The following SLC30A7 variants were observed in gnomAD, a reference collection of about 807,000 sequenced individuals.
SLC30A7 encodes the protein solute carrier family 30 member 7, also known as zinc transporter 7.
Under a neutral mutation model 46.0 loss-of-function variants are expected in SLC30A7, and 35 were observed. That is an observed-to-expected ratio of 0.76 (90% confidence interval 0.58 to 1.01). The LOEUF (loss-of-function observed/expected upper bound fraction) is 1.01, where lower values mean the gene tolerates loss of function less well. SLC30A7 is among the 50% of genes least tolerant of loss of function. The pLI, the probability that SLC30A7 is intolerant of heterozygous loss-of-function variation, is 0.00. For missense variants in SLC30A7, 464 were observed against 451.1 expected (o/e 1.03, Z -0.26); for synonymous variants, 147 against 157.8 (o/e 0.93, Z 0.51).
Position 100,905,367 on chromosome 1 carries a change from T to C in SLC30A7, c.183-1485T>C, listed in dbSNP as rs139482853. On this transcript the variant is annotated intron_variant, in intron 2 of 10. Transcript: ENST00000357650. ...TTTATTTCTCTTTGATGTTTAGTGG[T>C]TTGTGACGTGTGGAGGGTTTTTTCC... is the stretch of plus-strand genomic sequence containing the variant. 2.4e-3 allele frequency among the ~76,000 whole-genome samples: 359 copies of C among 152,190 alleles called. 6 individuals are homozygous for C. Among genetic ancestry groups the C allele is most frequent in the East Asian group, 0.014 (70 of 5,184 alleles).
downstream of SLC30A7, among the ~76,000 whole-genome samples, chr1:100,984,228 C>CT (rs577715119): frequency 3.9e-5 from 6 of 152,228 alleles, no homozygotes; most frequent in South Asian, 1.0e-3. Flanking sequence ...AACCCTGTTG[C>CT]TTTTTTCTCT....
chr1:100,933,812 A>G (rs1346544279), intron 8 of SLC30A7, among the ~76,000 whole-genome samples: 2 of 152,170 alleles, frequency 1.3e-5, no homozygotes, highest in Non-Finnish European at 2.9e-5. Context: ...AATCCAGTCT[A>G]TCATTGTTGG....
chr1:100,982,226 T>C (rs1001432942), downstream of SLC30A7, among the ~76,000 whole-genome samples: 2 of 152,244 alleles, frequency 1.3e-5, no homozygotes, highest in African/African-American at 4.8e-5. Flanking sequence ...CCAAAGCAGC[T>C]TCTTTACTAT....
At chr1:100,923,733 G>A (rs1221559856) in intron 8 of SLC30A7, among the ~76,000 whole-genome samples, 2 of 152,116 alleles carry the variant, frequency 1.3e-5, no homozygotes, top group African/African-American at 4.8e-5. Flanking sequence ...TAGCTATGAT[G>A]GTGCCACTGC....
intron 2 of SLC30A7, among the ~76,000 whole-genome samples, chr1:100,900,981 T>A (rs1570498034): frequency 6.6e-6 from 1 of 152,346 alleles, no homozygotes; most frequent in East Asian, 1.9e-4. Context: ...CCTTAACATT[T>A]ATCAATACAT....
chr1:100,938,895 C>T (rs1243143846), intron 8 of SLC30A7, among the ~76,000 whole-genome samples: 1 of 152,122 alleles, frequency 6.6e-6, no homozygotes, highest in Non-Finnish European at 1.5e-5. Context: ...AGGATTGTTA[C>T]ATGGGTATAT....
chr1:100,924,636 G>A (rs1373470118), intron 8 of SLC30A7, among the ~76,000 whole-genome samples: 3 of 135,416 alleles, frequency 2.2e-5, no homozygotes, highest in African/African-American at 8.3e-5. Flanking sequence ...TTTTTTCATT[G>A]TTTTAAAGTC....
intron 5 of SLC30A7, 135 bp downstream of exon 5, chr1:100,912,373 C>T (rs1652160539): frequency 1.0e-6 from 1 of 987,316 alleles, no homozygotes; most frequent in Non-Finnish European, 1.5e-6. Flanking sequence ...TGAACTATCC[C>T]TTTCACTTCT....
At chr1:100,909,439 C>T (rs964974793) in intron 3 of SLC30A7, among the ~76,000 whole-genome samples, 3 of 152,134 alleles carry the variant, frequency 2.0e-5, no homozygotes, top group South Asian at 2.1e-4. Context: ...TACATACATG[C>T]GTATATACAT....
chr1:100,992,717 G>T, the SLC30A7 span: 1 of 1,613,134 alleles, frequency 6.2e-7, no homozygotes, highest in Non-Finnish European at 8.5e-7. Flanking sequence ...CATATACCGT[G>T]GAGGTTCATA....
chr1:100,905,165 T>C lies in SLC30A7; in HGVS notation c.183-1687T>C, dbSNP rs188073201. Among the ~76,000 whole-genome samples, 424 of 152,350 alleles carry C rather than the reference T, an allele frequency of 2.8e-3. 2 individuals carry two copies. The highest frequency in any genetic ancestry group is 9.7e-3 in the African/African-American group (403 of 41,578). The stretch of plus-strand genomic sequence containing the variant: ...GATTTTCTTATTCCATTCTGTGTGC[T>C]ATTATTGTCATACCTTAGGTTGTTG... On this transcript the variant is annotated intron_variant, in intron 2 of 10. Coordinates refer to ENST00000357650, the MANE Select transcript of SLC30A7 (RefSeq NM_133496.5).
At chr1:100,956,135 A>AT (rs1248308971) in intron 8 of SLC30A7, among the ~76,000 whole-genome samples, 2 of 152,126 alleles carry the variant, frequency 1.3e-5, no homozygotes, top group Non-Finnish European at 2.9e-5. Flanking sequence ...TTATTTCCTT[A>AT]TATCAGTGAT....
At chr1:100,916,717 T>G (rs1373813333) in intron 6 of SLC30A7, among the ~76,000 whole-genome samples, 1 of 146,584 alleles carries the variant, frequency 6.8e-6, no homozygotes, top group Non-Finnish European at 1.5e-5. Context: ...TTTTTTTTTT[T>G]TTTTTTTTTG....
chr1:100,968,306 C>T (rs1371394409), intron 10 of SLC30A7, among the ~76,000 whole-genome samples: 3 of 151,964 alleles, frequency 2.0e-5, no homozygotes, highest in Non-Finnish European at 1.5e-5. Flanking sequence ...ACTAAAAATA[C>T]AAAAATTAGC....
rs1656890990 is a variant in SLC30A7 at position 100,980,902 on chromosome 1, T to C, written c.*6045T>C. The C allele has an allele frequency of 6.6e-6, 1 of 152,128 alleles. No individual in the cohort carries two copies. Among genetic ancestry groups the C allele is most frequent in the East Asian group, 1.9e-4 (1 of 5,204 alleles). The allele number at this position is 152,128 out of a possible 1,614,324, so 9.4% of individuals were successfully genotyped here. A position where few individuals can be genotyped will look rare whatever the true frequency, so the allele number is the denominator to read the frequency against. On this transcript the variant is annotated 3_prime_UTR_variant, in exon 11 of 11. Transcript: ENST00000357650. ...TATTCACATATTTCATTTATCCTAATGTATTGTCATCCAAAATGAAAGAGG... is the reference window on the plus strand; with the variant it reads ...TATTCACATATTTCATTTATCCTAACGTATTGTCATCCAAAATGAAAGAGG...
intron 2 of SLC30A7, among the ~76,000 whole-genome samples, chr1:100,899,582 C>T (rs1223893195): frequency 6.6e-6 from 1 of 152,116 alleles, no homozygotes; most frequent in Non-Finnish European, 1.5e-5. Flanking sequence ...TACATGGAGG[C>T]TGAGACACCA....
intron 8 of SLC30A7, among the ~76,000 whole-genome samples, chr1:100,936,887 A>G (rs1472483760): frequency 6.6e-6 from 1 of 152,188 alleles, no homozygotes; most frequent in Non-Finnish European, 1.5e-5. Context: ...ACTTACAATA[A>G]TGTCCTCAAG....
intron 10 of SLC30A7, among the ~76,000 whole-genome samples, chr1:100,969,083 T>A (rs1201097201): frequency 1.3e-5 from 2 of 152,238 alleles, no homozygotes; most frequent in Non-Finnish European, 2.9e-5. Context: ...GTGCTAATCT[T>A]ATGTGTAATC....
intron 10 of SLC30A7, 146 bp downstream of exon 10, chr1:100,966,064 C>G (rs1655841922): frequency 5.9e-6 from 4 of 673,066 alleles, no homozygotes; most frequent in Non-Finnish European, 9.7e-6. Flanking sequence ...GACCCCGTCT[C>G]TACAAAACAT....
Sources: gnomAD v4.1 joint callset for allele counts (sites outside exome capture counted in the v4.1 genomes callset) on GRCh38, gnomAD v4.1.1 for gene constraint, MANE v1.5 for transcripts, NCBI Gene and HGNC (gene_info 2026-07-23, HGNC 2026-07-21) for gene names.